The following DLG2 variants were observed in gnomAD, a reference collection of about 807,000 sequenced individuals.
DLG2 encodes the protein disks large homolog 2.
Under a neutral mutation model 132.5 loss-of-function variants are expected in DLG2, and 45 were observed. That is an observed-to-expected ratio of 0.34 (90% confidence interval 0.27 to 0.44). The LOEUF (loss-of-function observed/expected upper bound fraction) is 0.44. Among genes scored for constraint, DLG2 ranks in the 20% least tolerant of loss-of-function variants. The probability of loss-of-function intolerance (pLI) is 1.00; values close to 1 mark genes in which losing one functional copy is unlikely to be tolerated. For synonymous variants in DLG2, 424 were observed against 419.6 expected, an observed-to-expected ratio of 1.01 and a Z score of -0.13; for missense variants, 1,045 against 1,196.9, an observed-to-expected ratio of 0.87 and a Z score of 1.87.
intron 3 of DLG2, among the ~76,000 whole-genome samples, chr11:85,500,163 T>C (rs1429822811): frequency 6.6e-6 from 1 of 152,110 alleles, no homozygotes; most frequent in Admixed American, 6.5e-5. Context: ...ATTGTCTCCC[T>C]TTGCAGATGA....
At chr11:85,464,488 G>A (rs939999002) in intron 3 of DLG2, among the ~76,000 whole-genome samples, 3 of 152,090 alleles carry the variant, frequency 2.0e-5, no homozygotes, top group Non-Finnish European at 4.4e-5. Context: ...GTCCACCTCT[G>A]GGTGGAGCCA....
At position 85,079,118 on chromosome 11, in the gene DLG2, G is replaced by C. The variant is rs898895834; in HGVS notation, c.357+32543C>G. Among the ~76,000 whole-genome samples, 7 of 152,140 alleles carry C rather than the reference G, an allele frequency of 4.6e-5. No homozygotes were observed. The East Asian group carries it at 1.2e-3, about 25-fold the overall frequency. ...CTGGAAGTGGGGAGATTGTTGCAGG[G>C]TGGCTTTCAAGTCCTAGGTGGATTC... On this transcript the variant is annotated intron_variant, in intron 6 of 27. Coordinates refer to ENST00000376104, the MANE Select transcript of DLG2 (RefSeq NM_001142699.3).
intron 6 of DLG2, among the ~76,000 whole-genome samples, chr11:84,752,558 CTTTTTCTTTTTT>C (rs1485194577): frequency 5.3e-4 from 73 of 137,256 alleles, no homozygotes; most frequent in African/African-American, 1.8e-3. Context: ...CTTTGGTTTT[CTTTTTCTTTTTT>C]TTTTTTTTTT....
intron 6 of DLG2, among the ~76,000 whole-genome samples, chr11:84,734,000 T>TCTGTTTTGGTACCAGTACCATG (rs2063497985): frequency 6.6e-6 from 1 of 152,142 alleles, no homozygotes; most frequent in South Asian, 2.1e-4. Context: ...GGCCTATATC[T>TCTGTTTTGGTACCAGTACCATG]CTGTTTTGGT....
At chr11:83,685,033 C>T (rs2079495466) in intron 18 of DLG2, among the ~76,000 whole-genome samples, 1 of 152,108 alleles carries the variant, frequency 6.6e-6, no homozygotes. Context: ...TTATTGAGCA[C>T]TTATTATGGG....
intron 3 of DLG2, among the ~76,000 whole-genome samples, chr11:85,398,892 T>C (rs998653225): frequency 1.3e-5 from 2 of 151,976 alleles, no homozygotes; most frequent in Admixed American, 6.6e-5. Flanking sequence ...TTTCAATCAA[T>C]AGAAAAAGAG....
intron 7 of DLG2, among the ~76,000 whole-genome samples, chr11:84,420,296 C>T (rs1306768611): frequency 6.6e-6 from 1 of 152,200 alleles, no homozygotes; most frequent in African/African-American, 2.4e-5. Flanking sequence ...TAGACAGCAA[C>T]CTGCTTAGAT....
chr11:84,366,343 C>T (rs2098682226), intron 7 of DLG2, among the ~76,000 whole-genome samples: 1 of 151,922 alleles, frequency 6.6e-6, no homozygotes, highest in South Asian at 2.1e-4. Flanking sequence ...CAACTGGTAC[C>T]AGCCGCTGCA....
chr11:85,028,128 A>T (rs565545037), intron 6 of DLG2, among the ~76,000 whole-genome samples: 32 of 152,246 alleles, frequency 2.1e-4, no homozygotes, highest in African/African-American at 7.2e-4. Flanking sequence ...ATGAAGAGGG[A>T]TCTGCAGTGG....
At chr11:83,742,501 T>C (rs1325994556) in intron 18 of DLG2, among the ~76,000 whole-genome samples, 1 of 152,146 alleles carries the variant, frequency 6.6e-6, no homozygotes, top group East Asian at 1.9e-4. Flanking sequence ...CTACCAAGAT[T>C]CAGGAGTCCT....
intron 3 of DLG2, among the ~76,000 whole-genome samples, chr11:85,311,689 T>C (rs1349025743): frequency 6.6e-6 from 1 of 152,106 alleles, no homozygotes; most frequent in African/African-American, 2.4e-5. Context: ...CTTATTTATT[T>C]CCTCTGAACC....
chr11:85,014,616 C>A (rs2059416456), intron 6 of DLG2, among the ~76,000 whole-genome samples: 1 of 152,158 alleles, frequency 6.6e-6, no homozygotes, highest in African/African-American at 2.4e-5. Flanking sequence ...AGTAAAAGTA[C>A]AGTATTGATT....
At chr11:84,888,407 T>C (rs985993001) in intron 6 of DLG2, among the ~76,000 whole-genome samples, 3 of 152,102 alleles carry the variant, frequency 2.0e-5, no homozygotes, top group East Asian at 3.9e-4. Flanking sequence ...TGCTTGTTCT[T>C]GGTCCTTTGG....
Position 85,616,693 on chromosome 11 carries a change from G to A in DLG2, c.-93+9894C>T, listed in dbSNP as rs187327815. Reference sequence around the variant, plus strand: ...GGACTTCTCCTAGCCCCTTCACAGCGTAGAAAAAAATTTTCCCAGCTGAAG... The same window carrying A: ...GGACTTCTCCTAGCCCCTTCACAGCATAGAAAAAAATTTTCCCAGCTGAAG... On this transcript the variant is annotated intron_variant, in intron 2 of 27. Transcript: ENST00000376104. 2.1e-3 allele frequency among the ~76,000 whole-genome samples: 322 copies of A among 152,212 alleles called. 2 individuals carry two copies. Among genetic ancestry groups the A allele is most frequent in the Non-Finnish European group, 3.6e-3 (244 of 68,006 alleles).
intron 6 of DLG2, among the ~76,000 whole-genome samples, chr11:85,076,220 T>G (rs1593719266): frequency 6.6e-6 from 1 of 151,962 alleles, no homozygotes; most frequent in Admixed American, 6.6e-5. Context: ...CCATTCCACA[T>G]ATGAAGGAAT....
At chr11:83,499,119 T>C (rs1427969250) in intron 21 of DLG2, among the ~76,000 whole-genome samples, 6 of 152,100 alleles carry the variant, frequency 3.9e-5, no homozygotes, top group Non-Finnish European at 7.4e-5. Flanking sequence ...TGAATTCTAT[T>C]AAACACCATT....
At chr11:84,105,457 T>G (rs930284302) in intron 9 of DLG2, among the ~76,000 whole-genome samples, 1 of 152,156 alleles carries the variant, frequency 6.6e-6, no homozygotes, top group African/African-American at 2.4e-5. Context: ...TTCCTTTGGT[T>G]TGATGCATAG....
At chr11:85,157,399 T>C (rs1403165475) in intron 4 of DLG2, among the ~76,000 whole-genome samples, 3 of 152,150 alleles carry the variant, frequency 2.0e-5, no homozygotes, top group African/African-American at 4.8e-5. Context: ...CTACTTCTAG[T>C]AGTATGGAGA....
intron 15 of DLG2, among the ~76,000 whole-genome samples, chr11:83,876,365 C>T (rs1356765330): frequency 1.3e-5 from 2 of 152,056 alleles, no homozygotes; most frequent in Non-Finnish European, 2.9e-5. Flanking sequence ...GTTAGTCATA[C>T]AGTCAGTGCC....
Sources: allele counts gnomAD v4.1 joint callset (sites outside exome capture counted in the v4.1 genomes callset), GRCh38; gene constraint gnomAD v4.1.1; transcripts MANE v1.5; gene names NCBI Gene and HGNC (gene_info 2026-07-23, HGNC 2026-07-21).